Variants in GALNT13 observed in about 807,000 individuals in gnomAD.
GALNT13 encodes the protein UDP-GalNAc:polypeptide N-acetylgalactosaminyltransferase 13.
A neutral mutation model predicts 64.2 loss-of-function variants in GALNT13; 28 were observed. The observed-to-expected ratio is 0.44, with a 90% CI of 0.32 to 0.60. The LOEUF (loss-of-function observed/expected upper bound fraction) is 0.60. Ranked by LOEUF, GALNT13 falls within the 20% of genes least tolerant of loss-of-function variation. The pLI is 0.05. For synonymous variants in GALNT13, 214 were observed against 224.6 expected, an observed-to-expected ratio of 0.95 and a Z score of 0.42; for missense variants, 577 against 669.8, an observed-to-expected ratio of 0.86 and a Z score of 1.53.
chr2:154,413,217 A>G (rs190114214), intron 11 of GALNT13, among the ~76,000 whole-genome samples: 1 of 151,958 alleles, frequency 6.6e-6, no homozygotes, highest in Admixed American at 6.6e-5. Context: ...CCTGTTTCCA[A>G]ACTGAACTCA....
chr2:154,113,253 C>A (rs1231781488), intron 3 of GALNT13, among the ~76,000 whole-genome samples: 1 of 152,200 alleles, frequency 6.6e-6, no homozygotes, highest in South Asian at 2.1e-4. Flanking sequence ...GTAAGCCTCC[C>A]TATCTGCCAC....
chr2:153,213,935 A>G, the GALNT13 span, among the ~76,000 whole-genome samples: 1 of 152,346 alleles, frequency 6.6e-6, no homozygotes, highest in South Asian at 2.1e-4. Flanking sequence ...TGTGCTGAAC[A>G]TAACTCAGCT....
At chr2:153,629,909 A>T in the GALNT13 span, among the ~76,000 whole-genome samples, 1 of 148,438 alleles carries the variant, frequency 6.7e-6, no homozygotes, top group Non-Finnish European at 1.5e-5. Context: ...GCTCATCATC[A>T]CTGGCCATCA....
At chr2:153,947,426 A>G (rs960005291) in intron 3 of GALNT13, among the ~76,000 whole-genome samples, 33 of 150,758 alleles carry the variant, frequency 2.2e-4, no homozygotes, top group African/African-American at 7.8e-4. Flanking sequence ...TTTTAAAGTA[A>G]TGATCACTGA....
chr2:153,784,546 A>G, the GALNT13 span, among the ~76,000 whole-genome samples: 1 of 152,328 alleles, frequency 6.6e-6, no homozygotes, highest in East Asian at 1.9e-4. Flanking sequence ...AGATTGATGC[A>G]TGTCCTTAAT....
chr2:153,632,212 T>C, the GALNT13 span, among the ~76,000 whole-genome samples: 1 of 152,180 alleles, frequency 6.6e-6, no homozygotes, highest in Non-Finnish European at 1.5e-5. Flanking sequence ...TAATAGACTT[T>C]TTGAAAAATC....
chr2:153,452,562 GTTTC>G, the GALNT13 span, among the ~76,000 whole-genome samples: 14 of 151,722 alleles, frequency 9.2e-5, no homozygotes, highest in African/African-American at 2.4e-4. Flanking sequence ...TACAAAAGTA[GTTTC>G]TTTCTATCTA....
At chr2:153,363,107 A>C in the GALNT13 span, among the ~76,000 whole-genome samples, 2 of 152,156 alleles carry the variant, frequency 1.3e-5, no homozygotes, top group Admixed American at 1.3e-4. Context: ...ACTACATGGA[A>C]ATTGAACAAC....
intron 12 of GALNT13, among the ~76,000 whole-genome samples, chr2:154,447,034 G>T: frequency 6.6e-6 from 1 of 150,618 alleles, no homozygotes; most frequent in Non-Finnish European, 1.5e-5. Flanking sequence ...CTTGATGAAC[G>T]ATATTATGAA....
chr2:153,485,858 C>T, the GALNT13 span, among the ~76,000 whole-genome samples: 2 of 152,212 alleles, frequency 1.3e-5, no homozygotes, highest in Non-Finnish European at 2.9e-5. Context: ...TGTGATCGTG[C>T]CACTGCACTC....
the GALNT13 span, among the ~76,000 whole-genome samples, chr2:153,264,410 C>A: frequency 2.6e-5 from 4 of 152,200 alleles, no homozygotes; most frequent in Admixed American, 2.6e-4. Flanking sequence ...ACAGAAATAT[C>A]ATTTGACCCA....
chr2:153,785,247 A>G, the GALNT13 span, among the ~76,000 whole-genome samples: 10 of 152,276 alleles, frequency 6.6e-5, no homozygotes, highest in South Asian at 2.1e-3. Flanking sequence ...CTGCTTTTTT[A>G]TGCGAGTCCC....
the GALNT13 span, among the ~76,000 whole-genome samples, chr2:153,531,273 G>C: frequency 6.6e-6 from 1 of 152,136 alleles, no homozygotes; most frequent in African/African-American, 2.4e-5. Flanking sequence ...CTCAGCTTCT[G>C]GGGAAGCCTC....
the GALNT13 span, among the ~76,000 whole-genome samples, chr2:153,257,219 G>C: frequency 9.9e-5 from 15 of 152,104 alleles, no homozygotes; most frequent in Non-Finnish European, 2.9e-5. Context: ...GATTTTCCAG[G>C]TGCCGTCTGT....
the GALNT13 span, among the ~76,000 whole-genome samples, chr2:153,182,991 C>A: frequency 6.6e-6 from 1 of 152,010 alleles, no homozygotes. Flanking sequence ...GGGCATATAC[C>A]CAGTAATGGG....
At chr2:153,357,694 A>G in the GALNT13 span, among the ~76,000 whole-genome samples, 4 of 152,170 alleles carry the variant, frequency 2.6e-5, no homozygotes, top group Non-Finnish European at 4.4e-5. Flanking sequence ...CTCCAAGCCT[A>G]ATTCTCCATC....
chr2:153,181,099 G>T, the GALNT13 span, among the ~76,000 whole-genome samples: 1 of 95,650 alleles, frequency 1.0e-5, no homozygotes, highest in Admixed American at 1.4e-4. Context: ...GTAATATTAA[G>T]TTGCTCATTT....
At chr2:154,444,263 C>G (rs1701451856) in intron 12 of GALNT13, among the ~76,000 whole-genome samples, 1 of 151,658 alleles carries the variant, frequency 6.6e-6, no homozygotes, top group South Asian at 2.1e-4. Flanking sequence ...GCATATCAAC[C>G]CTTAATTACT....
the GALNT13 span, among the ~76,000 whole-genome samples, chr2:153,635,698 A>G: frequency 3.3e-5 from 5 of 152,164 alleles, no homozygotes; most frequent in South Asian, 8.3e-4. Flanking sequence ...CTGTGTCCAC[A>G]ACTACTCTGT....
Sources: allele counts gnomAD v4.1 joint callset (sites outside exome capture counted in the v4.1 genomes callset), GRCh38; gene constraint gnomAD v4.1.1; transcripts MANE v1.5; gene names NCBI Gene and HGNC (gene_info 2026-07-23, HGNC 2026-07-21).